The following ZNF566 variants were observed in gnomAD, a reference collection of about 807,000 sequenced individuals.
ZNF566 encodes the protein zinc finger protein 566.
Under a neutral mutation model 32.8 loss-of-function variants are expected in ZNF566, and 27 were observed. The observed-to-expected ratio is 0.82, with a 90% confidence interval of 0.61 to 1.14. The LOEUF (loss-of-function observed/expected upper bound fraction) is 1.14, where lower values mean the gene tolerates loss of function less well. ZNF566 is among the 50% of genes most tolerant of loss of function. The pLI, the probability that ZNF566 is intolerant of heterozygous loss-of-function variation, is 0.00. For missense variants in ZNF566, 402 were observed against 490.4 expected (o/e 0.82, Z 1.70); for synonymous variants, 154 against 159.5 (o/e 0.97, Z 0.26).
chr19:36,480,254 G>T, intron 1 of ZNF566, among the ~76,000 whole-genome samples: 1 of 150,672 alleles, frequency 6.6e-6, no homozygotes, highest in Admixed American at 6.6e-5. Flanking sequence ...ACTGTCACCT[G>T]ATTTATGACA....
At chr19:36,451,783 C>G (rs566347211) in intron 4 of ZNF566, among the ~76,000 whole-genome samples, 3 of 152,110 alleles carry the variant, frequency 2.0e-5, no homozygotes, top group African/African-American at 7.2e-5. Context: ...CGAGGCGGGC[C>G]GATCACGAGG....
rs144737777 is a variant in ZNF566 at position 36,479,772 on chromosome 19, G to A, written c.-59-3156C>T. Among the ~76,000 whole-genome samples, 1,223 of 152,362 alleles carry A rather than the reference G, an allele frequency of 8.0e-3. 17 individuals carry two copies. The highest frequency in any genetic ancestry group is 0.028 in the African/African-American group (1,157 of 41,588). ...ACCCCAGCCTCCTGAGAAGCGAGGA[G>A]TAGAAGCACGCCATCAAGTCCAGCT... On this transcript the variant is annotated intron_variant, in intron 1 of 4. Coordinates refer to ENST00000452939, the MANE Select transcript of ZNF566 (RefSeq NM_001145344.1).
At chr19:36,453,516 T>A (rs1217825093) in intron 4 of ZNF566, among the ~76,000 whole-genome samples, 4 of 130,478 alleles carry the variant, frequency 3.1e-5, no homozygotes, top group African/African-American at 8.4e-5. Flanking sequence ...AATTAATTAA[T>A]TAAAATAAAA....
intron 2 of ZNF566, among the ~76,000 whole-genome samples, chr19:36,473,945 C>G (rs1002289446): frequency 5.9e-5 from 9 of 152,134 alleles, no homozygotes; most frequent in Non-Finnish European, 1.3e-4. Flanking sequence ...TTCTCAAGAA[C>G]ACCTCTAAAA....
chr19:36,484,245 T>G (rs573797341), intron 1 of ZNF566, among the ~76,000 whole-genome samples: 1 of 152,208 alleles, frequency 6.6e-6, no homozygotes, highest in Non-Finnish European at 1.5e-5. Flanking sequence ...CTGCTGGGAT[T>G]AGCCAAGACT....
At chr19:36,488,536 T>C (rs1345681727) in intron 1 of ZNF566, among the ~76,000 whole-genome samples, 1 of 152,202 alleles carries the variant, frequency 6.6e-6, no homozygotes, top group Non-Finnish European at 1.5e-5. Context: ...GTGGAAGATA[T>C]ATGAACCGGC....
At position 36,449,976 on chromosome 19, in the gene ZNF566, C is replaced by A; in HGVS notation, c.258G>T (p.Lys86Asn). ...AAATTTCTTTCTTCAGAAATAATTT[C>A]TTGGTCTCACATCTTGATTCCAGGA... ...WPVLESRCET[K>N]KLFLKKEIYE... is the part of the protein sequence containing the mutation. Residue 86 changes from lysine to asparagine, a missense_variant, in exon 5 of 5, where the codon AAG becomes AAT. Lys to Asn is a moderately conservative substitution (Grantham distance 94). Transcript: ENST00000452939. 2 of 1,609,694 alleles carry A rather than the reference C, an allele frequency of 1.2e-6. No individual in the cohort carries two copies. Among genetic ancestry groups the A allele is most frequent in the Non-Finnish European group, 1.7e-6 (2 of 1,178,608 alleles).
intron 4 of ZNF566, among the ~76,000 whole-genome samples, chr19:36,464,767 TA>T (rs967895160): frequency 7.3e-5 from 11 of 149,936 alleles, no homozygotes; most frequent in African/African-American, 2.2e-4. Flanking sequence ...TTTTCTGTCT[TA>T]AAAAAAAAAT....
At chr19:36,488,572 C>G (rs139927222) in intron 1 of ZNF566, among the ~76,000 whole-genome samples, 6 of 152,264 alleles carry the variant, frequency 3.9e-5, no homozygotes, top group African/African-American at 1.4e-4. Context: ...TAAACTCAAG[C>G]ATGTGTACCC....
intron 4 of ZNF566, among the ~76,000 whole-genome samples, chr19:36,470,893 G>C (rs983512861): frequency 3.3e-5 from 5 of 151,620 alleles, no homozygotes; most frequent in African/African-American, 1.2e-4. Context: ...CTGGGTGACA[G>C]AGCAAGACTC....
intron 4 of ZNF566, among the ~76,000 whole-genome samples, chr19:36,471,775 C>G (rs1439886827): frequency 6.6e-6 from 1 of 151,986 alleles, no homozygotes; most frequent in East Asian, 1.9e-4. Flanking sequence ...GAGAGTCTCT[C>G]TCTGTCACTC....
At chr19:36,457,197 T>C (rs567229702) in intron 4 of ZNF566, among the ~76,000 whole-genome samples, 1 of 152,190 alleles carries the variant, frequency 6.6e-6, no homozygotes, top group Non-Finnish European at 1.5e-5. Context: ...GATAGCCACA[T>C]GCAAAAGAAT....
At chr19:36,471,554 C>T (rs1011543171) in intron 4 of ZNF566, among the ~76,000 whole-genome samples, 11 of 152,246 alleles carry the variant, frequency 7.2e-5, no homozygotes, top group Admixed American at 2.6e-4. Context: ...TCTGCCCAAA[C>T]GTTACCATAT....
chr19:36,488,568 C>CA (rs1396727524), intron 1 of ZNF566, among the ~76,000 whole-genome samples: 1 of 152,158 alleles, frequency 6.6e-6, no homozygotes, highest in African/African-American at 2.4e-5. Flanking sequence ...TAAATAAACT[C>CA]AAGCATGTGT....
At chr19:36,482,928 A>G (rs2034072137) in intron 1 of ZNF566, among the ~76,000 whole-genome samples, 1 of 152,232 alleles carries the variant, frequency 6.6e-6, no homozygotes, top group Non-Finnish European at 1.5e-5. Context: ...AAGGGTAGGC[A>G]TTCTAACTAT....
chr19:36,469,337 A>G (rs1285561297), intron 4 of ZNF566, among the ~76,000 whole-genome samples: 1 of 151,914 alleles, frequency 6.6e-6, no homozygotes, highest in Non-Finnish European at 1.5e-5. Flanking sequence ...CAGGAGTTCG[A>G]GACCAGCCTG....
chr19:36,475,868 T>G (rs1219500633), intron 2 of ZNF566, among the ~76,000 whole-genome samples: 1 of 152,146 alleles, frequency 6.6e-6, no homozygotes, highest in Admixed American at 6.6e-5. Context: ...ACATAATTCT[T>G]AAATCTCTTT....
chr19:36,487,929 G>T (rs1212537196), intron 1 of ZNF566, among the ~76,000 whole-genome samples: 1 of 148,622 alleles, frequency 6.7e-6, no homozygotes, highest in Non-Finnish European at 1.5e-5. Flanking sequence ...AAAAAGAATG[G>T]GTAAAACTAG....
chr19:36,483,533 C>T (rs74525580), intron 1 of ZNF566, among the ~76,000 whole-genome samples: 4 of 151,872 alleles, frequency 2.6e-5, no homozygotes, highest in Non-Finnish European at 4.4e-5. Context: ...AATGATCACA[C>T]GTTGAAAAGA....
Sources: allele counts gnomAD v4.1 joint callset (sites outside exome capture counted in the v4.1 genomes callset), GRCh38; gene constraint gnomAD v4.1.1; transcripts MANE v1.5; gene names NCBI Gene and HGNC (gene_info 2026-07-23, HGNC 2026-07-21).